Variants in ZC4H2 observed in about 807,000 individuals in gnomAD.
The protein encoded by ZC4H2 is zinc finger C4H2-type containing, also known as zinc finger C4H2 domain-containing protein.
For synonymous variants in ZC4H2, 84 were observed against 66.3 expected (o/e 1.27, Z -1.30); for missense variants, 137 against 173.9 (o/e 0.79, Z 1.19).
intron 1 of ZC4H2, among the ~76,000 whole-genome samples, chrX:65,005,150 T>C (rs1932629889): frequency 8.9e-6 from 1 of 111,800 alleles, no homozygotes; most frequent in Admixed American, 9.4e-5. Flanking sequence ...AAAATGGCCA[T>C]ACTGCCCGAA....
chrX:64,982,155 T>C (rs1932095116), intron 1 of ZC4H2, among the ~76,000 whole-genome samples: 1 of 111,602 alleles, frequency 9.0e-6, no homozygotes, highest in African/African-American at 3.3e-5. Flanking sequence ...TTAGTAAACT[T>C]TCATCCACAC....
intron 1 of ZC4H2, among the ~76,000 whole-genome samples, chrX:64,999,753 G>A (rs1456636173): frequency 8.9e-6 from 1 of 112,005 alleles, no homozygotes; most frequent in East Asian, 2.8e-4. Context: ...AGCTTGGTAG[G>A]GGGACGGGCA....
Position 65,014,734 on chromosome X carries a change from A to G in ZC4H2, c.-272+19895T>C, listed in dbSNP as rs1237133412. Among the ~76,000 whole-genome samples the G allele has an allele frequency of 2.7e-5, 3 of 112,179 alleles. No homozygotes were observed. In the East Asian group the frequency reaches 8.4e-4, roughly 31 times the overall value. On this transcript the variant is annotated intron_variant, in intron 1 of 4. Coordinates refer to the ZC4H2 transcript ENST00000337990. ...AAGTGTGTAGTGTAGTGCTCAACAC[A>G]TAATAGTTATTCAGTAAATGTTAGT...
Position 64,988,184 on chromosome X carries a change from G to A in ZC4H2, c.-272+46445C>T, listed in dbSNP as rs751682301. Among the ~76,000 whole-genome samples the A allele has an allele frequency of 1.5e-4, 16 of 110,044 alleles. No individual in the cohort carries two copies. In the South Asian group the frequency reaches 2.4e-3, roughly 16 times the overall value. ...AGTCTTTGCTATTGTGAATAGTGCC[G>A]CAATAAACATACGTGTGCATGTGTC... On this transcript the variant is annotated intron_variant, in intron 1 of 4. Coordinates refer to the ZC4H2 transcript ENST00000337990.
At position 65,031,874 on chromosome X, in the gene ZC4H2, A is replaced by G. The variant is rs757289503; in HGVS notation, c.-272+2755T>C. The stretch of plus-strand genomic sequence containing the variant: ...TTTATTATTCTGTTGGAAGAATTCA[A>G]TTAACTAAACAAATAGCTGCCTCAA... On this transcript the variant is annotated intron_variant, in intron 1 of 4. Coordinates refer to the ZC4H2 transcript ENST00000337990. 4.4e-5 allele frequency among the ~76,000 whole-genome samples: 5 copies of G among 112,586 alleles called. No homozygotes were observed. In the South Asian group the frequency reaches 1.8e-3, roughly 41 times the overall value.
intron 1 of ZC4H2, among the ~76,000 whole-genome samples, chrX:64,960,312 AT>A (rs200355569): frequency 1.0e-4 from 11 of 109,277 alleles, no homozygotes; most frequent in East Asian, 5.8e-4. Context: ...CACCGTTTTA[AT>A]TTTTTTTTAA....
chrX:65,015,168 A>G lies in ZC4H2; in HGVS notation c.-272+19461T>C, dbSNP rs1932789229. On this transcript the variant is annotated intron_variant, in intron 1 of 4. Transcript: ENST00000337990. ...GGAAACAAAATGCCAAGAAATCAGA[A>G]CCAGTATTCCAGAGCATGCTAGAAA... Among the ~76,000 whole-genome samples the G allele has an allele frequency of 2.7e-5, 3 of 111,844 alleles. No individual in the cohort carries two copies. The Admixed American group carries it at 2.8e-4, about 11-fold the overall frequency.
At chrX:65,002,330 C>G (rs746168702) in intron 1 of ZC4H2, among the ~76,000 whole-genome samples, 2 of 108,822 alleles carry the variant, frequency 1.8e-5, no homozygotes, top group Non-Finnish European at 3.9e-5. Context: ...CCCAGCCAGC[C>G]GCCCCGTCCG....
chrX:64,953,288 A>G (rs1227964559), intron 1 of ZC4H2, among the ~76,000 whole-genome samples: 1 of 112,068 alleles, frequency 8.9e-6, no homozygotes, highest in Non-Finnish European at 1.9e-5. Context: ...AAAACACCAA[A>G]AGCAATGGCA....
At chrX:64,936,722 C>T (rs938689149) in intron 1 of ZC4H2, among the ~76,000 whole-genome samples, 2 of 111,689 alleles carry the variant, frequency 1.8e-5, no homozygotes, top group Non-Finnish European at 3.8e-5. Flanking sequence ...CAAGCAAATG[C>T]TGAGAGATTC....
intron 1 of ZC4H2, among the ~76,000 whole-genome samples, chrX:65,021,667 A>G (rs1172149142): frequency 1.8e-5 from 2 of 111,291 alleles, no homozygotes; most frequent in Non-Finnish European, 3.8e-5. Flanking sequence ...ACAAGAAATA[A>G]CTAAGATCAG....
intron 1 of ZC4H2, among the ~76,000 whole-genome samples, chrX:64,959,366 T>A (rs1311808764): frequency 9.8e-6 from 1 of 101,705 alleles, no homozygotes; most frequent in Admixed American, 1.1e-4. Flanking sequence ...ATTATTAATA[T>A]CCTGGCTAAT....
At position 64,952,202 on chromosome X, in the gene ZC4H2, A is replaced by T. The variant is rs537917331; in HGVS notation, c.53+24123T>A. 2.7e-4 allele frequency among the ~76,000 whole-genome samples: 30 copies of T among 110,582 alleles called. 1 individual carries two copies. In the South Asian group the frequency reaches 9.2e-3, roughly 34 times the overall value. On this transcript the variant is annotated intron_variant, in intron 1 of 4. Coordinates refer to ENST00000374839, the MANE Select transcript of ZC4H2 (RefSeq NM_018684.4). ...AGTACCATGCTGTTTTGGTTACTGTAGCCTTGAAGTATAGTTTGAAGTCAG... is the reference window on the plus strand; with the variant it reads ...AGTACCATGCTGTTTTGGTTACTGTTGCCTTGAAGTATAGTTTGAAGTCAG...
At position 64,922,411 on chromosome X, in the gene ZC4H2, C is replaced by G. The variant is rs888206296; in HGVS notation, c.54-423G>C. ...CTTAAGCTATGATTGCACTACTGCA[C>G]TCCAACCTAGGTGACAGAGCAAGAC... On this transcript the variant is annotated intron_variant, in intron 1 of 4. Coordinates refer to ENST00000374839, the MANE Select transcript of ZC4H2 (RefSeq NM_018684.4). Among the ~76,000 whole-genome samples the G allele has an allele frequency of 7.1e-5, 8 of 112,156 alleles. No homozygotes were observed. The Admixed American group carries it at 7.5e-4, about 11-fold the overall frequency.
chrX:64,931,665 G>A (rs909642499), intron 1 of ZC4H2, among the ~76,000 whole-genome samples: 1 of 110,904 alleles, frequency 9.0e-6, no homozygotes, highest in African/African-American at 3.3e-5. Context: ...TAGTTTTGAG[G>A]GTTCTTTTTG....
chrX:65,018,656 A>C (rs1932813576), intron 1 of ZC4H2, among the ~76,000 whole-genome samples: 1 of 108,425 alleles, frequency 9.2e-6, no homozygotes, highest in African/African-American at 3.4e-5. Context: ...TTCATATCCC[A>C]GTGGCACCTG....
chrX:64,932,186 C>A (rs1929786196), intron 1 of ZC4H2, among the ~76,000 whole-genome samples: 1 of 110,501 alleles, frequency 9.0e-6, no homozygotes, highest in Non-Finnish European at 1.9e-5. Context: ...CTCCTGCTTG[C>A]TTTTGGTTTC....
intron 1 of ZC4H2, among the ~76,000 whole-genome samples, chrX:64,932,892 G>A (rs746012595): frequency 3.6e-5 from 4 of 111,113 alleles, no homozygotes; most frequent in Non-Finnish European, 7.6e-5. Flanking sequence ...TCTTCAGTTT[G>A]GATGTCTAGA....
rs750477943 is a variant in ZC4H2, at chrX:64,949,307, G to T, written c.53+27018C>A. 1.7e-4 allele frequency among the ~76,000 whole-genome samples: 19 copies of T among 112,116 alleles called. No homozygotes were observed. The South Asian group carries it at 6.6e-3, about 39-fold the overall frequency. ...AGACAAGAGACAGACTGTTTGGAAA[G>T]CTAAGGTTTCTGCCTATCAATGACT... is the stretch of plus-strand genomic sequence containing the variant. On this transcript the variant is annotated intron_variant, in intron 1 of 4. Coordinates refer to ENST00000374839, the MANE Select transcript of ZC4H2 (RefSeq NM_018684.4).
Sources: allele counts gnomAD v4.1 joint callset (sites outside exome capture counted in the v4.1 genomes callset), GRCh38; gene constraint gnomAD v4.1.1; transcripts MANE v1.5; gene names NCBI Gene and HGNC (gene_info 2026-07-23, HGNC 2026-07-21).